Variants in ATP8A2 observed in about 807,000 individuals in gnomAD.
ATP8A2 encodes the protein ATPase phospholipid transporting 8A2.
Under a neutral mutation model 165.6 loss-of-function variants are expected in ATP8A2, and 100 were observed. That is an observed-to-expected ratio of 0.60 (90% CI 0.51 to 0.71). The LOEUF (loss-of-function observed/expected upper bound fraction) is 0.71, where lower values mean the gene tolerates loss of function less well. Among genes scored for constraint, ATP8A2 ranks in the 30% least tolerant of loss-of-function variants. The pLI is 0.00. For synonymous variants in ATP8A2, 543 were observed against 548.8 expected, an observed-to-expected ratio of 0.99 and a Z score of 0.15; for missense variants, 1,227 against 1,479.5, an observed-to-expected ratio of 0.83 and a Z score of 2.80.
At chr13:25,554,889 G>C (rs1385401520) in intron 12 of ATP8A2, 102 bp from the exon 13 acceptor site, 4 of 762,950 alleles carry the variant, frequency 5.2e-6, no homozygotes, top group African/African-American at 1.8e-5. Flanking sequence ...AAATAAAAGG[G>C]TTTTAGATTA....
chr13:25,963,033 A>G (rs927455143), intron 34 of ATP8A2, among the ~76,000 whole-genome samples: 1 of 152,202 alleles, frequency 6.6e-6, no homozygotes, highest in Non-Finnish European at 1.5e-5. Flanking sequence ...CAGAATCAGA[A>G]TCCTCAGAAA....
intron 33 of ATP8A2, among the ~76,000 whole-genome samples, chr13:25,938,599 G>A (rs536379083): frequency 3.9e-5 from 6 of 152,260 alleles, no homozygotes; most frequent in Admixed American, 1.3e-4. Context: ...AACAGGACAC[G>A]GAATGGATCG....
At chr13:25,651,089 A>C (rs543919760) in intron 24 of ATP8A2, among the ~76,000 whole-genome samples, 105 of 152,272 alleles carry the variant, frequency 6.9e-4, no homozygotes, top group African/African-American at 2.4e-3. Flanking sequence ...TGCTTGATAG[A>C]ACTCACTTGA....
intron 23 of ATP8A2, among the ~76,000 whole-genome samples, chr13:25,588,992 C>T (rs2039997252): frequency 6.6e-6 from 1 of 152,130 alleles, no homozygotes; most frequent in African/African-American, 2.4e-5. Context: ...AAATAGTTCT[C>T]CTGCTGGGAG....
At chr13:25,652,677 T>C (rs2137638964) in intron 24 of ATP8A2, among the ~76,000 whole-genome samples, 1 of 152,304 alleles carries the variant, frequency 6.6e-6, no homozygotes, top group African/African-American at 2.4e-5. Flanking sequence ...TTTCTTTGAG[T>C]TTGTGAGAAA....
At chr13:25,475,982 GTT>G (rs1566164373) in intron 2 of ATP8A2, among the ~76,000 whole-genome samples, 1 of 152,142 alleles carries the variant, frequency 6.6e-6, no homozygotes. Context: ...TGTTCACTCT[GTT>G]TGATGGTTTA....
intron 24 of ATP8A2, among the ~76,000 whole-genome samples, chr13:25,680,711 G>T (rs950259020): frequency 6.6e-6 from 1 of 152,154 alleles, no homozygotes; most frequent in Admixed American, 6.5e-5. Context: ...TCATCCTAAG[G>T]CTCCTTGTAC....
At chr13:25,726,381 C>T (rs2043494033) in intron 25 of ATP8A2, among the ~76,000 whole-genome samples, 1 of 152,182 alleles carries the variant, frequency 6.6e-6, no homozygotes, top group Non-Finnish European at 1.5e-5. Context: ...CAACAGATTA[C>T]CACAAAGGTA....
At chr13:25,738,344 C>CCT (rs2043828802) in intron 25 of ATP8A2, among the ~76,000 whole-genome samples, 2 of 121,754 alleles carry the variant, frequency 1.6e-5, no homozygotes, top group Admixed American at 8.0e-5. Context: ...CCCCCCTCCC[C>CCT]CCCCCCCACA....
intron 33 of ATP8A2, among the ~76,000 whole-genome samples, chr13:25,899,223 A>G (rs1002452685): frequency 2.0e-5 from 3 of 152,202 alleles, no homozygotes; most frequent in Admixed American, 6.5e-5. Flanking sequence ...ACATGCATGC[A>G]TGGGTTTCTG....
intron 35 of ATP8A2, among the ~76,000 whole-genome samples, chr13:25,987,667 G>A (rs956212487): frequency 6.6e-6 from 1 of 152,178 alleles, no homozygotes; most frequent in African/African-American, 2.4e-5. Flanking sequence ...AGCCATGCAG[G>A]GGTGGGGTCA....
chr13:25,591,763 A>G (rs373117530), intron 24 of ATP8A2, among the ~76,000 whole-genome samples: 7 of 151,932 alleles, frequency 4.6e-5, no homozygotes, highest in African/African-American at 9.7e-5. Context: ...TTGTATTTTT[A>G]GTAGAGATGG....
chr13:26,007,126 T>C (rs1046782188), intron 35 of ATP8A2, among the ~76,000 whole-genome samples: 2 of 152,182 alleles, frequency 1.3e-5, no homozygotes, highest in Admixed American at 6.5e-5. Context: ...TACTTTGTTT[T>C]TGTGAACAGA....
chr13:25,752,428 A>G (rs954757652), intron 25 of ATP8A2, among the ~76,000 whole-genome samples: 8 of 152,134 alleles, frequency 5.3e-5, no homozygotes, highest in African/African-American at 1.9e-4. Context: ...CTTGCACTCC[A>G]GCCGGGGCGA....
chr13:25,670,215 A>T (rs2042236241), intron 24 of ATP8A2, among the ~76,000 whole-genome samples: 1 of 152,200 alleles, frequency 6.6e-6, no homozygotes, highest in Admixed American at 6.5e-5. Context: ...TGAGTGCCCT[A>T]CTCCACCATT....
At chr13:25,781,360 ATT>A (rs2044873736) in intron 27 of ATP8A2, among the ~76,000 whole-genome samples, 4 of 152,302 alleles carry the variant, frequency 2.6e-5, no homozygotes, top group Admixed American at 2.6e-4. Context: ...ATTTTTTAAA[ATT>A]GTTTTGCAAA....
intron 28 of ATP8A2, among the ~76,000 whole-genome samples, chr13:25,831,624 C>A (rs898591286): frequency 6.6e-6 from 1 of 152,056 alleles, no homozygotes; most frequent in Non-Finnish European, 1.5e-5. Flanking sequence ...AGGTGGATCA[C>A]CTGAGGTCAA....
chr13:25,876,800 A>G (rs1952830372), intron 33 of ATP8A2, among the ~76,000 whole-genome samples: 1 of 152,208 alleles, frequency 6.6e-6, no homozygotes, highest in Non-Finnish European at 1.5e-5. Context: ...GAATGTAAAG[A>G]AAGAAAGAAT....
At chr13:25,566,458 A>G (rs2039316815) in intron 16 of ATP8A2, among the ~76,000 whole-genome samples, 1 of 152,230 alleles carries the variant, frequency 6.6e-6, no homozygotes, top group African/African-American at 2.4e-5. Context: ...TTCAAATAGT[A>G]TTCAGGTTGA....
Sources: gnomAD v4.1 joint callset for allele counts (sites outside exome capture counted in the v4.1 genomes callset) on GRCh38, gnomAD v4.1.1 for gene constraint, MANE v1.5 for transcripts, NCBI Gene and HGNC (gene_info 2026-07-23, HGNC 2026-07-21) for gene names.